CELF2: variants seen among roughly 807,000 people sequenced by gnomAD.
CELF2 encodes CUGBP Elav-like family member 2.
Under a neutral mutation model 62.6 loss-of-function variants are expected in CELF2, and 8 were observed. That is an observed-to-expected ratio of 0.13 (90% confidence interval 0.07 to 0.23). The LOEUF (loss-of-function observed/expected upper bound fraction) is 0.23, where lower values mean the gene tolerates loss of function less well. Ranked by LOEUF, CELF2 falls within the 10% of genes least tolerant of loss-of-function variation. CELF2 has a pLI of 1.00. For synonymous variants in CELF2, 258 were observed against 250.0 expected, an observed-to-expected ratio of 1.03 and a Z score of -0.30; for missense variants, 333 against 671.0, an observed-to-expected ratio of 0.50 and a Z score of 5.56.
intron 1 of CELF2, among the ~76,000 whole-genome samples, chr10:10,894,233 G>A (rs2062377063): frequency 6.6e-6 from 1 of 152,102 alleles, no homozygotes; most frequent in African/African-American, 2.4e-5. Flanking sequence ...GCAGAGAGGA[G>A]GTATAATATG....
intron 1 of CELF2, among the ~76,000 whole-genome samples, chr10:11,061,800 T>C (rs565805518): frequency 6.6e-6 from 1 of 152,302 alleles, no homozygotes; most frequent in African/African-American, 2.4e-5. Flanking sequence ...ACAGCATGGT[T>C]TACTGAATTT....
chr10:10,705,407 A>G, the CELF2 span, among the ~76,000 whole-genome samples: 1 of 147,446 alleles, frequency 6.8e-6, no homozygotes, highest in East Asian at 2.0e-4. Flanking sequence ...ACTTTTCCTT[A>G]GCCATGGAGT....
chr10:11,099,902 A>C (rs939458163), intron 1 of CELF2, among the ~76,000 whole-genome samples: 10 of 150,430 alleles, frequency 6.6e-5, no homozygotes, highest in Admixed American at 4.0e-4. Context: ...AAAAAAAAAA[A>C]CAGAAAAAAC....
chr10:10,878,694 C>T (rs894889729), intron 1 of CELF2, among the ~76,000 whole-genome samples: 1 of 152,172 alleles, frequency 6.6e-6, no homozygotes, highest in Admixed American at 6.5e-5. Context: ...GACAATACAT[C>T]GCTACTTGTG....
intron 2 of CELF2, among the ~76,000 whole-genome samples, chr10:11,194,961 C>G (rs1043955622): frequency 6.6e-6 from 1 of 152,188 alleles, no homozygotes; most frequent in Non-Finnish European, 1.5e-5. Context: ...GGCTTCTGCC[C>G]TGAATTTGAA....
chr10:10,499,419 C>A, the CELF2 span, among the ~76,000 whole-genome samples: 2 of 151,892 alleles, frequency 1.3e-5, no homozygotes, highest in Admixed American at 1.3e-4. Flanking sequence ...ACAAGACATT[C>A]AAAAGGAGGG....
intron 1 of CELF2, among the ~76,000 whole-genome samples, chr10:11,027,723 A>T (rs560615336): frequency 6.6e-6 from 1 of 152,274 alleles, no homozygotes; most frequent in South Asian, 2.1e-4. Flanking sequence ...GCATCCTTCA[A>T]GGCTAGGCGT....
the CELF2 span, among the ~76,000 whole-genome samples, chr10:10,470,957 C>A: frequency 1.3e-5 from 2 of 151,388 alleles, no homozygotes; most frequent in South Asian, 4.2e-4. Context: ...ACCACTTTAG[C>A]TTTATCTCTA....
intron 1 of CELF2, among the ~76,000 whole-genome samples, chr10:10,914,885 T>C (rs949100131): frequency 4.6e-5 from 7 of 152,074 alleles, no homozygotes; most frequent in Admixed American, 3.9e-4. Context: ...TCCCAGCACT[T>C]TGGGAGGCCG....
chr10:11,164,936 T>C (rs2066611888), intron 1 of CELF2: 1 of 360,402 alleles, frequency 2.8e-6, no homozygotes, highest in Non-Finnish European at 3.9e-6. Flanking sequence ...ACCCGCATCT[T>C]GCATTAGTCA....
the CELF2 span, among the ~76,000 whole-genome samples, chr10:10,781,079 C>T: frequency 6.6e-6 from 1 of 151,368 alleles, no homozygotes; most frequent in South Asian, 2.1e-4. Flanking sequence ...ACCCACTTAC[C>T]AAAAAAAAGG....
chr10:11,025,257 A>G (rs1050613513), intron 1 of CELF2, among the ~76,000 whole-genome samples: 7 of 147,242 alleles, frequency 4.8e-5, no homozygotes, highest in Admixed American at 4.0e-4. Flanking sequence ...ATGTGACTGT[A>G]TATCTGGAAA....
chr10:11,034,696 G>T (rs377619467), intron 1 of CELF2, among the ~76,000 whole-genome samples: 1 of 152,172 alleles, frequency 6.6e-6, no homozygotes, highest in African/African-American at 2.4e-5. Context: ...AGTGGTGGTG[G>T]TGCACTGCTC....
intron 1 of CELF2, among the ~76,000 whole-genome samples, chr10:11,022,808 A>G (rs1406684292): frequency 5.9e-5 from 9 of 152,342 alleles, no homozygotes; most frequent in East Asian, 1.9e-4. Context: ...ATCATTGTTG[A>G]GACTTATATG....
chr10:11,111,562 CT>C, intron 1 of CELF2, among the ~76,000 whole-genome samples: 1 of 151,766 alleles, frequency 6.6e-6, no homozygotes, highest in East Asian at 1.9e-4. Flanking sequence ...TTTTTTTTCC[CT>C]AATGGGTAAC....
intron 2 of CELF2, among the ~76,000 whole-genome samples, chr10:10,961,565 G>A (rs1294854504): frequency 6.7e-6 from 1 of 149,918 alleles, no homozygotes; most frequent in African/African-American, 2.5e-5. Context: ...TGGGCAACAT[G>A]GCAAAACCCC....
At chr10:10,817,189 T>G (rs11256844) in intron 1 of CELF2, among the ~76,000 whole-genome samples, 21,437 of 152,148 alleles carry the variant, frequency 0.14, 1,678 homozygotes, top group Non-Finnish European at 0.19. Context: ...ACATGAGGGT[T>G]TTTTTCCTTT....
the CELF2 span, among the ~76,000 whole-genome samples, chr10:10,706,386 C>T: frequency 1.3e-5 from 2 of 152,154 alleles, no homozygotes; most frequent in Admixed American, 6.5e-5. Flanking sequence ...GGGAAGTTTG[C>T]ATTAATTCAT....
intron 1 of CELF2, among the ~76,000 whole-genome samples, chr10:11,067,415 T>C (rs2068466975): frequency 1.3e-5 from 2 of 152,256 alleles, no homozygotes; most frequent in Non-Finnish European, 2.9e-5. Flanking sequence ...AAATGTGTAA[T>C]ATCTGTAGCA....
Sources: gnomAD v4.1 joint callset for allele counts (sites outside exome capture counted in the v4.1 genomes callset) on GRCh38, gnomAD v4.1.1 for gene constraint, MANE v1.5 for transcripts, NCBI Gene and HGNC (gene_info 2026-07-23, HGNC 2026-07-21) for gene names.